Variants in PFKFB4 observed in about 807,000 individuals in gnomAD.
The protein encoded by PFKFB4 is 6-phosphofructo-2-kinase/fructose-2,6-bisphosphatase 4.
A neutral mutation model predicts 62.8 loss-of-function variants in PFKFB4; 42 were observed. That is an observed-to-expected ratio of 0.67 (90% CI 0.52 to 0.86). The LOEUF (loss-of-function observed/expected upper bound fraction) is 0.86. Among genes scored for constraint, PFKFB4 ranks in the 40% least tolerant of loss-of-function variants. The pLI is 0.00. For missense variants in PFKFB4, 475 were observed against 627.2 expected (o/e 0.76, Z 2.59); for synonymous variants, 204 against 240.7 (o/e 0.85, Z 1.41).
At chr3:48,534,272 G>C (rs755538940) in intron 9 of PFKFB4, among the ~76,000 whole-genome samples, 22 of 152,180 alleles carry the variant, frequency 1.4e-4, no homozygotes, top group Non-Finnish European at 2.9e-4. Flanking sequence ...AACACACACA[G>C]AGTGGGAGTC....
chr3:48,540,567 G>A (rs2042768148), intron 4 of PFKFB4, among the ~76,000 whole-genome samples: 1 of 151,892 alleles, frequency 6.6e-6, no homozygotes. Context: ...GGGACTACAA[G>A]TGTGCACCAC....
Position 48,526,270 on chromosome 3 carries a change from AAAAAG to A in PFKFB4, c.988-606_988-602del, listed in dbSNP as rs1414710243. The stretch of plus-strand genomic sequence containing the variant: ...GACTCCCTCTCAAAAGAAAAGAAAA[AAAAAG>A]AAAAGTTGGCTGGGCGTGGTGGCTC... On this transcript the variant is annotated intron_variant, in intron 9 of 13. Coordinates refer to ENST00000232375, the MANE Select transcript of PFKFB4 (RefSeq NM_004567.4). Among the ~76,000 whole-genome samples the A allele has an allele frequency of 3.8e-4, 58 of 151,350 alleles. 1 individual carries two copies. Among genetic ancestry groups the A allele is most frequent in the Admixed American group, 3.2e-3 (49 of 15,214 alleles).
Position 48,529,809 on chromosome 3 carries a change from C to A in PFKFB4, c.988-4140G>T, listed in dbSNP as rs144858693. Among the ~76,000 whole-genome samples the A allele has an allele frequency of 1.0e-3, 159 of 152,152 alleles. 1 individual carries two copies. The highest frequency in any genetic ancestry group is 1.7e-3 in the South Asian group (8 of 4,822). ...TCTTTACAGAAAATACAAAAATTAG[C>A]CAGGCGTAGTGTTGCACACCTGTGG... On this transcript the variant is annotated intron_variant, in intron 9 of 13. Transcript: ENST00000232375.
intron 10 of PFKFB4, among the ~76,000 whole-genome samples, chr3:48,524,480 A>T (rs2042194685): frequency 2.0e-5 from 3 of 152,200 alleles, no homozygotes; most frequent in African/African-American, 7.2e-5. Context: ...CAAAAATGAC[A>T]CGCTGATTTG....
upstream of PFKFB4, among the ~76,000 whole-genome samples, chr3:48,559,244 A>G (rs774377432): frequency 8.5e-5 from 13 of 152,198 alleles, no homozygotes; most frequent in Admixed American, 5.9e-4. Flanking sequence ...TCAAGGCCCT[A>G]TGTCCAGCTG....
intron 6 of PFKFB4, 74 bp from the exon 7 acceptor site, chr3:48,538,693 C>G (rs1004409205): frequency 3.1e-6 from 5 of 1,595,514 alleles, no homozygotes; most frequent in Non-Finnish European, 2.6e-6. Flanking sequence ...AAGGAGACTG[C>G]TGGGCAGGGG....
Position 48,519,681 on chromosome 3 carries a change from A to G in PFKFB4, c.*66T>C, listed in dbSNP as rs535105085. On this transcript the variant is annotated 3_prime_UTR_variant, in exon 14 of 14. Coordinates refer to ENST00000232375, the MANE Select transcript of PFKFB4 (RefSeq NM_004567.4). Reference sequence around the variant, plus strand: ...GCATGGTGACTATCACACACACTGGAGGGCCTGGAATGACCCCCTCTGCAG... The same window carrying G: ...GCATGGTGACTATCACACACACTGGGGGGCCTGGAATGACCCCCTCTGCAG... The G allele has an allele frequency of 1.6e-5, 19 of 1,165,008 alleles. No individual in the cohort carries two copies. The African/African-American group carries it at 2.9e-4, about 18-fold the overall frequency. The allele number at this position is 1,165,008 out of a possible 1,614,324, so 72.2% of individuals were successfully genotyped here. A position where few individuals can be genotyped will look rare whatever the true frequency, so the allele number is the denominator to read the frequency against.
In PFKFB4 at chr3:48,550,087, C is replaced by T. The variant is rs375819605; in HGVS notation, c.214+31G>A. On this transcript the variant is annotated intron_variant, in intron 2 of 13. Coordinates refer to ENST00000232375, the MANE Select transcript of PFKFB4 (RefSeq NM_004567.4). ...ATTCTCTTCGTCATGCCCCACAAAG[C>T]TCCCCTTAGACAGCTGGGGCCAAGC... 7.2e-6 allele frequency: 11 copies of T among 1,522,134 alleles called. No individual in the cohort carries two copies. In the African/African-American group the frequency reaches 9.6e-5, roughly 13 times the overall value. 94.3% of individuals were successfully genotyped at this position (1,522,134 alleles called of 1,614,324 possible).
chr3:48,559,898 CCA>C (rs34826551), upstream of PFKFB4: 18,128 of 191,040 alleles, frequency 0.095, 1,187 homozygotes, highest in Admixed American at 0.16. Context: ...AACCATCCCA[CCA>C]CACACACACA....
upstream of PFKFB4, chr3:48,561,241 T>C: frequency 1.1e-5 from 4 of 378,248 alleles, no homozygotes; most frequent in South Asian, 9.3e-5. This position sits in a 1 kb window ranked among gnomAD's most constrained non-coding sequence, Gnocchi z 5.2. Context: ...CAGCCCACTG[T>C]AGGCCCGCCC....
intron 9 of PFKFB4, among the ~76,000 whole-genome samples, chr3:48,527,834 C>T (rs2107481992): frequency 6.6e-6 from 1 of 152,040 alleles, no homozygotes; most frequent in East Asian, 1.9e-4. Flanking sequence ...ATTACAGGCA[C>T]AGGCCACCAT....
intron 9 of PFKFB4, among the ~76,000 whole-genome samples, chr3:48,527,538 G>A (rs567809124): frequency 9.9e-5 from 15 of 152,152 alleles, no homozygotes; most frequent in African/African-American, 3.6e-4. Context: ...ATGGGATAGT[G>A]GGTAGAGGCT....
chr3:48,540,648 C>T (rs1449867116), intron 4 of PFKFB4, among the ~76,000 whole-genome samples: 1 of 152,126 alleles, frequency 6.6e-6, no homozygotes. Context: ...CTCACTCTGT[C>T]GCCCAGGCTG....
At chr3:48,557,059 G>T (rs965765475), upstream of PFKFB4, 39 of 1,009,500 alleles carry the variant, frequency 3.9e-5, no homozygotes, top group Non-Finnish European at 4.8e-5. Flanking sequence ...ACTCCGGATT[G>T]TACTGGTCCC....
chr3:48,550,366 C>A, intron 1 of PFKFB4, 132 bp from the exon 2 acceptor site: 1 of 665,980 alleles, frequency 1.5e-6, no homozygotes, highest in Non-Finnish European at 2.7e-6. Flanking sequence ...TTCCTAGCAT[C>A]CCCACACAGC....
At chr3:48,541,735 G>A (rs1014535127) in intron 4 of PFKFB4, among the ~76,000 whole-genome samples, 2 of 152,172 alleles carry the variant, frequency 1.3e-5, no homozygotes, top group Admixed American at 1.3e-4. Flanking sequence ...GGAGGCTGGG[G>A]CAGGCAAATT....
intron 9 of PFKFB4, among the ~76,000 whole-genome samples, chr3:48,533,020 A>G (rs1296512437): frequency 6.6e-6 from 1 of 152,190 alleles, no homozygotes; most frequent in African/African-American, 2.4e-5. Flanking sequence ...TGGGAGTAGC[A>G]AATAGAGTTA....
chr3:48,524,920 T>C (rs746625371), intron 10 of PFKFB4, among the ~76,000 whole-genome samples: 30 of 152,224 alleles, frequency 2.0e-4, no homozygotes, highest in Middle Eastern at 3.4e-3. Flanking sequence ...ACAAGTGCAG[T>C]GGCTTGTGGT....
chr3:48,529,623 C>G (rs893413386), intron 9 of PFKFB4, among the ~76,000 whole-genome samples: 2 of 152,090 alleles, frequency 1.3e-5, no homozygotes, highest in African/African-American at 2.4e-5. Context: ...TAACCCCCAC[C>G]AAGCACAAAA....
Sources: allele counts gnomAD v4.1 joint callset (sites outside exome capture counted in the v4.1 genomes callset), GRCh38; gene constraint gnomAD v4.1.1; non-coding constraint Gnocchi (gnomAD v3.1); transcripts MANE v1.5; gene names NCBI Gene and HGNC (gene_info 2026-07-23, HGNC 2026-07-21).